Variants in DNAJC21 observed in about 807,000 individuals in gnomAD.
DNAJC21 encodes DnaJ heat shock protein family (Hsp40) member C21, also known as dnaJ homolog subfamily C member 21.
A neutral mutation model predicts 72.4 loss-of-function variants in DNAJC21; 63 were observed. The ratio of observed to expected loss-of-function variants is 0.87; its 90% confidence interval spans 0.71 to 1.07. The LOEUF (loss-of-function observed/expected upper bound fraction) is 1.07. DNAJC21 is among the 50% of genes least tolerant of loss of function. The pLI is 0.00. For synonymous variants in DNAJC21, 203 were observed against 216.7 expected (o/e 0.94, Z 0.56); for missense variants, 634 against 644.8 (o/e 0.98, Z 0.18).
intron 8 of DNAJC21, among the ~76,000 whole-genome samples, chr5:34,945,358 G>A (rs163584): frequency 6.6e-6 from 1 of 152,204 alleles, no homozygotes; most frequent in East Asian, 1.9e-4. Flanking sequence ...GGTTACAGGT[G>A]TGAGCCACTG....
intron 9 of DNAJC21, among the ~76,000 whole-genome samples, chr5:34,946,776 C>G (rs1262743808): frequency 6.6e-6 from 1 of 152,100 alleles, no homozygotes; most frequent in Non-Finnish European, 1.5e-5. Flanking sequence ...ACAGTAAGGA[C>G]AAAATAAATG....
At position 34,950,142 on chromosome 5, in the gene DNAJC21, G is replaced by C. The variant is rs74511974; in HGVS notation, c.1186-28G>C. The C allele has an allele frequency of 7.0e-6, 11 of 1,568,174 alleles. No individual in the cohort carries two copies. In the Admixed American group the frequency reaches 2.1e-4, roughly 30 times the overall value. On this transcript the variant is annotated intron_variant, in intron 9 of 11. Coordinates refer to ENST00000648817, the MANE Select transcript of DNAJC21 (RefSeq NM_001012339.3). The stretch of plus-strand genomic sequence containing the variant: ...CTAGTAGTAGTATTATATTTATTTT[G>C]TAACGGCACATATGTTTTATTACCT...
At chr5:34,935,372 T>C (rs1452942035) in intron 2 of DNAJC21, among the ~76,000 whole-genome samples, 2 of 152,198 alleles carry the variant, frequency 1.3e-5, no homozygotes, top group Non-Finnish European at 2.9e-5. Context: ...GTGTAATGAT[T>C]CTGTGGGCCA....
chr5:34,953,977 A>T lies in DNAJC21; in HGVS notation c.1410A>T (p.Arg470Ser), dbSNP rs1434396294. 6.2e-7 allele frequency: 1 copy of T among 1,612,284 alleles called. No individual in the cohort carries two copies. The highest frequency in any genetic ancestry group is 8.5e-7 in the Non-Finnish European group (1 of 1,179,380). ...CCAAAGATATGAAAAAACCTGTCAG[A>T]GTACCTGCTGAACCACAAACAATGG... ...KKTKDMKKPV[R>S]VPAEPQTMSV... Residue 470 changes from arginine (R) to serine (S), a missense_variant, in exon 11 of 12, where the codon AGA (arginine) becomes AGT (serine). By Grantham distance (110) the Arg-to-Ser change is moderately radical. Coordinates refer to ENST00000648817, the MANE Select transcript of DNAJC21 (RefSeq NM_001012339.3).
rs1764772259 is a variant in DNAJC21 at position 34,936,237 on chromosome 5, T to G, written c.409T>G (p.Phe137Val). 3 of 1,614,036 alleles carry G rather than the reference T, an allele frequency of 1.9e-6. No individual in the cohort carries two copies. Among genetic ancestry groups the G allele is most frequent in the Non-Finnish European group, 2.5e-6 (3 of 1,179,966 alleles). ...LEEEVDDFPT[F>V]GDSQSDYDTV... ...GGAAGAGGTTGATGATTTCCCAACTTTTGGAGACTCCCAGAGTGACTATGA... is the reference window on the plus strand; with the variant it reads ...GGAAGAGGTTGATGATTTCCCAACTGTTGGAGACTCCCAGAGTGACTATGA... Residue 137 changes from phenylalanine to valine, a missense_variant, in exon 4 of 12, where the codon TTT becomes GTT. Transcript: ENST00000648817.
intron 5 of DNAJC21, 121 bp downstream of exon 5, chr5:34,937,751 CT>C (rs1764840669): frequency 1.6e-6 from 2 of 1,227,208 alleles, no homozygotes; most frequent in Non-Finnish European, 2.2e-6. Context: ...GCTTTTTCTT[CT>C]TTTTTAAATT....
intron 10 of DNAJC21, chr5:34,952,098 C>T (rs1765387562): frequency 1.0e-6 from 1 of 984,536 alleles, no homozygotes; most frequent in Non-Finnish European, 1.2e-6. Flanking sequence ...CACTGGCCAC[C>T]TACTGAGAAG....
intron 8 of DNAJC21, 57 bp downstream of exon 8, chr5:34,945,082 A>G: frequency 1.3e-6 from 2 of 1,581,546 alleles, no homozygotes; most frequent in East Asian, 2.3e-5. Flanking sequence ...AGATTGCATT[A>G]AAAGGTTTTT....
In DNAJC21 at chr5:34,956,337, A is replaced by T. The variant is rs1765538615; in HGVS notation, c.*1623A>T. On this transcript the variant is annotated 3_prime_UTR_variant, in exon 12 of 12. Transcript: ENST00000648817. ...TTAAATTCTTTTCTTTTCCATTTAG[A>T]GATATGTTTTTTTCTTTACCTTCAT... is the stretch of plus-strand genomic sequence containing the variant. 2 of 152,218 alleles carry T rather than the reference A, an allele frequency of 1.3e-5. No individual in the cohort carries two copies. The highest frequency in any genetic ancestry group is 4.1e-4 in the South Asian group (2 of 4,830). 9.4% of individuals were successfully genotyped at this position (152,218 alleles called of 1,614,324 possible). A position where few individuals can be genotyped will look rare whatever the true frequency, so the allele number is the denominator to read the frequency against.
intron 2 of DNAJC21, among the ~76,000 whole-genome samples, chr5:34,935,285 A>T (rs1330250518): frequency 6.6e-6 from 1 of 152,196 alleles, no homozygotes. Flanking sequence ...GTGTGTGTGA[A>T]GCTCCTAGAT....
At chr5:34,951,872 T>TGC in intron 10 of DNAJC21, 1 of 985,512 alleles carries the variant, frequency 1.0e-6, no homozygotes, top group Non-Finnish European at 1.2e-6. Flanking sequence ...AGAAGGGTTC[T>TGC]CAGGCTTGGG....
At chr5:34,952,042 C>G in intron 10 of DNAJC21, 1 of 985,326 alleles carries the variant, frequency 1.0e-6, no homozygotes, top group Non-Finnish European at 1.2e-6. Context: ...GGATCCAGGG[C>G]CTTTATGCTG....
At chr5:34,945,715 T>C in intron 8 of DNAJC21, 46 bp from the exon 9 acceptor site, 2 of 1,508,600 alleles carry the variant, frequency 1.3e-6, no homozygotes, top group Non-Finnish European at 1.8e-6. Flanking sequence ...CCACTTACTC[T>C]TCACAGAGTC....
intron 10 of DNAJC21, chr5:34,951,765 C>A (rs1765374819): frequency 3.1e-6 from 3 of 973,812 alleles, no homozygotes; most frequent in Non-Finnish European, 3.7e-6. Flanking sequence ...ACCTCATGAT[C>A]TGCCCGCCTT....
intron 9 of DNAJC21, among the ~76,000 whole-genome samples, chr5:34,946,519 T>G (rs1321922139): frequency 6.6e-6 from 1 of 152,126 alleles, no homozygotes; most frequent in African/African-American, 2.4e-5. Context: ...TTTGGTTTAT[T>G]TATCCAAATG....
At chr5:34,951,693 A>G (rs1765372434) in intron 10 of DNAJC21, 4 of 789,506 alleles carry the variant, frequency 5.1e-6, no homozygotes, top group Non-Finnish European at 6.1e-6. Context: ...ACGCCTGGCT[A>G]TTTTTCTGTA....
chr5:34,950,609 AT>A, intron 10 of DNAJC21: 1 of 1,078,532 alleles, frequency 9.3e-7, no homozygotes, highest in African/African-American at 1.6e-5. Flanking sequence ...TGTTTACCTT[AT>A]CCTGCTGTGG....
chr5:34,935,897 A>C, intron 3 of DNAJC21, 64 bp downstream of exon 3: 1 of 1,597,402 alleles, frequency 6.3e-7, no homozygotes, highest in South Asian at 1.1e-5. Context: ...ACATACAAAG[A>C]GAATTCTTAA....
intron 6 of DNAJC21, among the ~76,000 whole-genome samples, chr5:34,939,868 TG>T (rs950024839): frequency 6.6e-6 from 1 of 152,220 alleles, no homozygotes; most frequent in Admixed American, 6.5e-5. Flanking sequence ...TATCTACAAA[TG>T]TGATTTTTCA....
Sources: gnomAD v4.1 joint callset for allele counts (sites outside exome capture counted in the v4.1 genomes callset) on GRCh38, gnomAD v4.1.1 for gene constraint, MANE v1.5 for transcripts, NCBI Gene and HGNC (gene_info 2026-07-23, HGNC 2026-07-21) for gene names.